Variants in CACNA2D4 observed in about 807,000 individuals in gnomAD.
CACNA2D4 encodes the protein voltage-dependent calcium channel subunit alpha-2/delta-4.
In CACNA2D4, 157 loss-of-function variants were observed where a neutral mutation model predicts 163.8. The observed-to-expected ratio is 0.96, with a 90% confidence interval of 0.84 to 1.09. CACNA2D4 has a LOEUF of 1.09. Ranked by LOEUF, CACNA2D4 falls within the 50% of genes least tolerant of loss-of-function variation. The probability of loss-of-function intolerance (pLI) is 0.00; values close to 1 mark genes in which losing one functional copy is unlikely to be tolerated. For missense variants in CACNA2D4, 1,410 were observed against 1,479.9 expected (o/e 0.95, Z 0.78); for synonymous variants, 598 against 586.9 (o/e 1.02, Z -0.27).
intron 26 of CACNA2D4, among the ~76,000 whole-genome samples, chr12:1,813,349 G>C (rs1313543178): frequency 6.6e-6 from 1 of 152,064 alleles, no homozygotes; most frequent in African/African-American, 2.4e-5. Flanking sequence ...GATGCTGCTA[G>C]TCCAGGCACT....
In CACNA2D4 at chr12:1,797,534, G is replaced by T. The variant is rs775002755; in HGVS notation, c.2997C>A (p.Ser999=). ...GCGGGTCCTGCTTCTTGTGTTTGTG[G>T]GCTGCGGGCGGAGAAAGGACATCAC... The part of the protein sequence containing the change: ...GAEAKSVFHH[S]HKHKKQDPLQ... The change falls in exon 35 of 38, where the codon TCC becomes TCA. Residue 999 remains serine, a splice_region_variant and synonymous_variant. Coordinates refer to ENST00000382722, the MANE Select transcript of CACNA2D4 (RefSeq NM_172364.5). 1 of 1,557,542 alleles carries T rather than the reference G, an allele frequency of 6.4e-7. No homozygotes were observed. The highest frequency in any genetic ancestry group is 1.2e-5 in the South Asian group (1 of 84,926).
chr12:1,814,385 C>G (rs987772948), intron 26 of CACNA2D4, among the ~76,000 whole-genome samples: 3 of 152,180 alleles, frequency 2.0e-5, no homozygotes, highest in African/African-American at 7.2e-5. Context: ...CCCGGGTGTC[C>G]TTTGCGAAAT....
chr12:1,839,308 T>C (rs1252172903), intron 26 of CACNA2D4, among the ~76,000 whole-genome samples: 1 of 152,218 alleles, frequency 6.6e-6, no homozygotes, highest in Non-Finnish European at 1.5e-5. Flanking sequence ...AGAACACAGC[T>C]GGGTCCCAGG....
At chr12:1,854,167 T>C in intron 22 of CACNA2D4, 123 bp from the exon 23 acceptor site, 1 of 648,336 alleles carries the variant, frequency 1.5e-6, no homozygotes, top group Non-Finnish European at 2.5e-6. Context: ...CATGTAAAAC[T>C]ATCTCTGTGA....
intron 18 of CACNA2D4, among the ~76,000 whole-genome samples, chr12:1,871,608 G>T (rs543454859): frequency 6.6e-6 from 1 of 151,120 alleles, no homozygotes; most frequent in African/African-American, 2.4e-5. Flanking sequence ...ACACATGTAT[G>T]CCGCTCGTGT....
intron 29 of CACNA2D4, among the ~76,000 whole-genome samples, chr12:1,804,925 T>TA (rs1424017323): frequency 2.0e-5 from 3 of 152,276 alleles, no homozygotes; most frequent in Non-Finnish European, 4.4e-5. Flanking sequence ...TCCTGGCTGA[T>TA]AGTTTCTTTT....
intron 13 of CACNA2D4, 44 bp downstream of exon 13, chr12:1,882,823 C>A (rs778591405): frequency 6.2e-7 from 1 of 1,609,204 alleles, no homozygotes; most frequent in African/African-American, 1.3e-5. Context: ...GGGTCCCTAA[C>A]TCTGAGGTGG....
Position 1,795,270 on chromosome 12 carries a change from G to GC in CACNA2D4, c.3309+28dup, listed in dbSNP as rs757064586. ...CAGAGGGTTTGGGGATGAAAATCCA[G>GC]CCCACCCTCGATCCGCCTCAACCCG... On this transcript the variant is annotated intron_variant, in intron 37 of 37. Coordinates refer to ENST00000382722, the MANE Select transcript of CACNA2D4 (RefSeq NM_172364.5). 34 of 1,602,790 alleles carry GC rather than the reference G, an allele frequency of 2.1e-5. No homozygotes were observed. The African/African-American group carries it at 3.9e-4, about 18-fold the overall frequency.
intron 4 of CACNA2D4, among the ~76,000 whole-genome samples, chr12:1,909,454 A>G (rs1233243320): frequency 6.6e-6 from 1 of 152,210 alleles, no homozygotes; most frequent in East Asian, 1.9e-4. Flanking sequence ...TCAGCCTCCC[A>G]AAGTGCTGGG....
intron 24 of CACNA2D4, among the ~76,000 whole-genome samples, chr12:1,845,364 T>C (rs535070235): frequency 1.6e-5 from 2 of 123,530 alleles, no homozygotes; most frequent in Non-Finnish European, 3.3e-5. Context: ...TGCTCTGCCT[T>C]CTCCACCTCC....
chr12:1,812,043 G>A (rs1013907719), intron 26 of CACNA2D4, among the ~76,000 whole-genome samples: 1 of 152,170 alleles, frequency 6.6e-6, no homozygotes, highest in Non-Finnish European at 1.5e-5. Context: ...GCCGGTGGAT[G>A]GGACAGCTCA....
At chr12:1,891,435 C>T (rs891988377) in intron 6 of CACNA2D4, among the ~76,000 whole-genome samples, 5 of 152,278 alleles carry the variant, frequency 3.3e-5, no homozygotes, top group African/African-American at 1.2e-4. Context: ...GGAAAAAGTC[C>T]TCCCATATAA....
intron 6 of CACNA2D4, 23 bp downstream of exon 6, chr12:1,907,417 G>A (rs771746722): frequency 2.5e-6 from 4 of 1,606,830 alleles, no homozygotes; most frequent in Non-Finnish European, 3.4e-6. Context: ...GAAGGTCGGG[G>A]AGATGCAACT....
In CACNA2D4 at chr12:1,880,403, C is replaced by T. The variant is rs115323410; in HGVS notation, c.1486-522G>A. On this transcript the variant is annotated intron_variant, in intron 13 of 37. Coordinates refer to ENST00000382722, the MANE Select transcript of CACNA2D4 (RefSeq NM_172364.5). Reference sequence around the variant, plus strand: ...GCCGTGGTGCAGCTGTGGTGGGCTTCGGGGCCGTTCCTAGGACACAGGTCA... The same window carrying T: ...GCCGTGGTGCAGCTGTGGTGGGCTTTGGGGCCGTTCCTAGGACACAGGTCA... Among the ~76,000 whole-genome samples, 1,104 of 152,372 alleles carry T rather than the reference C, an allele frequency of 7.2e-3. 11 individuals carry two copies. The highest frequency in any genetic ancestry group is 0.025 in the African/African-American group (1,034 of 41,590).
intron 18 of CACNA2D4, among the ~76,000 whole-genome samples, chr12:1,872,518 A>G (rs565497517): frequency 2.4e-4 from 37 of 152,290 alleles, no homozygotes; most frequent in Non-Finnish European, 3.8e-4. Flanking sequence ...CTACTGAGAA[A>G]CCAGCTCGTA....
In CACNA2D4 at chr12:1,834,243, C is replaced by T. The variant is rs375490061; in HGVS notation, c.2551+6496G>A. ...GCAAGTTCTAGATGCCTGGTCAGCCCCTCTTTTTCTCTTCTGCATGTAGGG... is the reference window on the plus strand; with the variant it reads ...GCAAGTTCTAGATGCCTGGTCAGCCTCTCTTTTTCTCTTCTGCATGTAGGG... On this transcript the variant is annotated intron_variant, in intron 26 of 37. Coordinates refer to ENST00000382722, the MANE Select transcript of CACNA2D4 (RefSeq NM_172364.5). The surrounding 1 kb of genome is among the most constrained non-coding windows in gnomAD (Gnocchi z 7.6). The T allele has an allele frequency of 1.9e-5, 29 of 1,528,192 alleles. No homozygotes were observed. The highest frequency in any genetic ancestry group is 1.9e-4 in the Middle Eastern group (1 of 5,334). The allele number at this position is 1,528,192 out of a possible 1,614,324, so 94.7% of individuals were successfully genotyped here. A position where few individuals can be genotyped will look rare whatever the true frequency, so the allele number is the denominator to read the frequency against.
chr12:1,882,214 G>A (rs562321387), intron 13 of CACNA2D4, among the ~76,000 whole-genome samples: 5 of 152,344 alleles, frequency 3.3e-5, no homozygotes, highest in Admixed American at 6.5e-5. Context: ...CAGAGAGCTC[G>A]TGGTCAGCTC....
chr12:1,798,760 A>T lies in CACNA2D4; in HGVS notation c.2995+915T>A, dbSNP rs1207658122. Among the ~76,000 whole-genome samples, 1 of 152,180 alleles carries T rather than the reference A, an allele frequency of 6.6e-6. No individual in the cohort carries two copies. Among genetic ancestry groups the T allele is most frequent in the African/African-American group, 2.4e-5 (1 of 41,442 alleles). ...CTGAGCAGGCAGATTGAGGGGGATC[A>T]TCTTCAACTTTTGCAAGATGCAGCT... On this transcript the variant is annotated intron_variant, in intron 34 of 37. Coordinates refer to ENST00000382722, the MANE Select transcript of CACNA2D4 (RefSeq NM_172364.5). The surrounding 1 kb of genome is among the most constrained non-coding windows in gnomAD (Gnocchi z 4.3).
chr12:1,904,023 A>G (rs1368373003), intron 6 of CACNA2D4, among the ~76,000 whole-genome samples: 1 of 152,126 alleles, frequency 6.6e-6, no homozygotes, highest in Non-Finnish European at 1.5e-5. Context: ...ACATGTATAC[A>G]ATGGAGTACT....
Sources: allele counts gnomAD v4.1 joint callset (sites outside exome capture counted in the v4.1 genomes callset), GRCh38; gene constraint gnomAD v4.1.1; non-coding constraint Gnocchi (gnomAD v3.1); transcripts MANE v1.5; gene names NCBI Gene and HGNC (gene_info 2026-07-23, HGNC 2026-07-21).